STK32A: variants seen among roughly 807,000 people sequenced by gnomAD.
The protein encoded by STK32A is serine/threonine kinase 32A.
In STK32A, 41 loss-of-function variants were observed where a neutral mutation model predicts 53.2. The ratio of observed to expected loss-of-function variants is 0.77; its 90% CI spans 0.60 to 1.00. The LOEUF is 1.00. Among genes scored for constraint, STK32A ranks in the 50% least tolerant of loss-of-function variants. The probability of loss-of-function intolerance (pLI) is 0.00; values close to 1 mark genes in which losing one functional copy is unlikely to be tolerated. For synonymous variants in STK32A, 166 were observed against 162.8 expected (o/e 1.02, Z -0.15); for missense variants, 458 against 485.8 (o/e 0.94, Z 0.54).
intron 4 of STK32A, among the ~76,000 whole-genome samples, chr5:147,302,374 A>G (rs1349788686): frequency 6.6e-6 from 1 of 152,186 alleles, no homozygotes; most frequent in African/African-American, 2.4e-5. Flanking sequence ...AACAGAATTC[A>G]AGGAATGGAA....
chr5:147,358,264 A>C (rs898153535), intron 7 of STK32A, among the ~76,000 whole-genome samples: 1 of 152,194 alleles, frequency 6.6e-6, no homozygotes, highest in African/African-American at 2.4e-5. Flanking sequence ...CCAGATTGGC[A>C]ATAAAGGGTC....
chr5:147,258,650 CTA>C (rs1284707145), intron 2 of STK32A, among the ~76,000 whole-genome samples: 7 of 144,384 alleles, frequency 4.8e-5, no homozygotes, highest in Non-Finnish European at 5.9e-5. Context: ...CAAGAATTTA[CTA>C]TATAACATTC....
chr5:147,401,751 G>GCC, the STK32A span: 5 of 1,596,130 alleles, frequency 3.1e-6, no homozygotes, highest in Non-Finnish European at 4.3e-6. Flanking sequence ...GCTGCACTGG[G>GCC]CCAAGCCTAT....
At chr5:147,380,131 AT>A (rs1422385206) in intron 11 of STK32A, among the ~76,000 whole-genome samples, 1 of 152,164 alleles carries the variant, frequency 6.6e-6, no homozygotes, top group East Asian at 1.9e-4. Flanking sequence ...AAAAAAATCC[AT>A]GTGGATTTTG....
At chr5:147,398,197 C>T in the STK32A span, among the ~76,000 whole-genome samples, 3 of 152,068 alleles carry the variant, frequency 2.0e-5, no homozygotes, top group Non-Finnish European at 4.4e-5. Flanking sequence ...CCTTTAGGTC[C>T]CTCTAGCTCC....
chr5:147,383,571 C>A, intron 12 of STK32A, 66 bp downstream of exon 12: 1 of 1,196,958 alleles, frequency 8.4e-7, no homozygotes, highest in Non-Finnish European at 1.2e-6. Context: ...ACTTTACTTG[C>A]AGAGAAAATA....
rs1757267989 is a variant in STK32A, at chr5:147,377,252, C to T, written c.1032+2034C>T. On this transcript the variant is annotated intron_variant, in intron 11 of 12. Coordinates refer to ENST00000397936, the MANE Select transcript of STK32A (RefSeq NM_001112724.2). ...ACATTTTTGTGAATTTTCCAGTTTT[C>T]CTTCTGTTATTGATTCCTACCTTCA... is the stretch of plus-strand genomic sequence containing the variant. Among the ~76,000 whole-genome samples the T allele has an allele frequency of 3.9e-5, 6 of 151,902 alleles. No homozygotes were observed. The South Asian group carries it at 1.2e-3, about 32-fold the overall frequency.
chr5:147,346,659 T>C (rs1391091259), intron 6 of STK32A, among the ~76,000 whole-genome samples: 1 of 152,190 alleles, frequency 6.6e-6, no homozygotes, highest in Non-Finnish European at 1.5e-5. Context: ...CTTGGGTGAC[T>C]CCTGACCCAC....
chr5:147,322,677 C>T (rs547626362), intron 4 of STK32A, among the ~76,000 whole-genome samples: 1 of 152,268 alleles, frequency 6.6e-6, no homozygotes, highest in East Asian at 1.9e-4. Context: ...AGAAACATGT[C>T]AGAGAACTTG....
At chr5:147,313,925 A>G (rs1268822820) in intron 4 of STK32A, among the ~76,000 whole-genome samples, 2 of 152,210 alleles carry the variant, frequency 1.3e-5, no homozygotes, top group Non-Finnish European at 1.5e-5. Flanking sequence ...TTAGCTCAAA[A>G]TGGAAAACAG....
At chr5:147,279,594 A>C (rs1751951765) in intron 4 of STK32A, among the ~76,000 whole-genome samples, 196 bp downstream of exon 4, 1 of 152,154 alleles carries the variant, frequency 6.6e-6, no homozygotes, top group Admixed American at 6.5e-5. Flanking sequence ...GTACACACTC[A>C]AGAGAGGGGA....
chr5:147,286,842 G>A (rs553708603), intron 4 of STK32A, among the ~76,000 whole-genome samples: 2 of 152,190 alleles, frequency 1.3e-5, no homozygotes, highest in East Asian at 3.9e-4. Flanking sequence ...AATTAAATAT[G>A]CTGACTGGGA....
chr5:147,367,771 G>C (rs1021225134), intron 8 of STK32A, among the ~76,000 whole-genome samples: 2 of 152,194 alleles, frequency 1.3e-5, no homozygotes, highest in African/African-American at 4.8e-5. Flanking sequence ...GGTCACAGGG[G>C]ATATGATGGC....
the STK32A span, chr5:147,401,580 C>T: frequency 1.9e-6 from 3 of 1,613,622 alleles, no homozygotes; most frequent in Non-Finnish European, 2.5e-6. Flanking sequence ...GTAGTTGGGT[C>T]AGGGCTCAGG....
At chr5:147,365,666 G>T (rs1422278912) in intron 8 of STK32A, among the ~76,000 whole-genome samples, 1 of 152,048 alleles carries the variant, frequency 6.6e-6, no homozygotes, top group African/African-American at 2.4e-5. Context: ...ACCTTCTGTG[G>T]CTGTGCTTCT....
chr5:147,365,492 C>CTT (rs35266758), intron 8 of STK32A, among the ~76,000 whole-genome samples: 20 of 146,662 alleles, frequency 1.4e-4, no homozygotes, highest in African/African-American at 4.8e-4. Flanking sequence ...TCCTGATGGG[C>CTT]TTTTTTTTTT....
chr5:147,300,970 A>AC (rs1357753567), intron 4 of STK32A, among the ~76,000 whole-genome samples: 1 of 152,304 alleles, frequency 6.6e-6, no homozygotes, highest in East Asian at 1.9e-4. Context: ...TTTCCCCTTC[A>AC]CCCTCTGAAG....
At chr5:147,338,176 A>G (rs191450381) in intron 5 of STK32A, among the ~76,000 whole-genome samples, 2 of 152,320 alleles carry the variant, frequency 1.3e-5, no homozygotes, top group African/African-American at 4.8e-5. Flanking sequence ...CATAGGAAGA[A>G]TGCAGTAGGA....
chr5:147,260,023 CCTCT>C (rs1473422021), intron 2 of STK32A, among the ~76,000 whole-genome samples: 4 of 135,906 alleles, frequency 2.9e-5, no homozygotes, highest in African/African-American at 1.2e-4. Flanking sequence ...GTCTCTTTGT[CCTCT>C]CTCTTTCTCT....
Sources: gnomAD v4.1 joint callset for allele counts (sites outside exome capture counted in the v4.1 genomes callset) on GRCh38, gnomAD v4.1.1 for gene constraint, MANE v1.5 for transcripts, NCBI Gene and HGNC (gene_info 2026-07-23, HGNC 2026-07-21) for gene names.